ARL15: variants seen among roughly 807,000 people sequenced by gnomAD.
ARL15 encodes the protein ARF like GTPase 15.
Under a neutral mutation model 25.2 loss-of-function variants are expected in ARL15, and 19 were observed. The ratio of observed to expected loss-of-function variants is 0.75; its 90% CI spans 0.53 to 1.10. The LOEUF (loss-of-function observed/expected upper bound fraction) is 1.10, where lower values mean the gene tolerates loss of function less well. ARL15 is among the 50% of genes least tolerant of loss of function. The pLI, the probability that ARL15 is intolerant of heterozygous loss-of-function variation, is 0.00. For synonymous variants in ARL15, 94 were observed against 86.8 expected, an observed-to-expected ratio of 1.08 and a Z score of -0.46; for missense variants, 220 against 246.0, an observed-to-expected ratio of 0.89 and a Z score of 0.71.
intron 4 of ARL15, among the ~76,000 whole-genome samples, chr5:53,908,041 A>G (rs1300908760): frequency 6.6e-6 from 1 of 152,214 alleles, no homozygotes; most frequent in Non-Finnish European, 1.5e-5. Flanking sequence ...TATAGACAAT[A>G]GTCCCCCTTT....
chr5:53,967,205 T>TCTAAC (rs1290495470), intron 4 of ARL15, among the ~76,000 whole-genome samples: 6 of 152,228 alleles, frequency 3.9e-5, no homozygotes, highest in Non-Finnish European at 8.8e-5. Context: ...TTTAAAATTT[T>TCTAAC]TGTTTATTTG....
At chr5:53,909,690 G>C (rs1004680094) in intron 4 of ARL15, among the ~76,000 whole-genome samples, 2 of 152,156 alleles carry the variant, frequency 1.3e-5, no homozygotes, top group Non-Finnish European at 2.9e-5. Flanking sequence ...TGGGCAACAA[G>C]AGTGAAACTC....
At chr5:54,116,969 C>A (rs1457226329) in intron 3 of ARL15, among the ~76,000 whole-genome samples, 1 of 152,186 alleles carries the variant, frequency 6.6e-6, no homozygotes, top group Non-Finnish European at 1.5e-5. Context: ...TGCCCACATA[C>A]ATTAATGGAA....
chr5:54,266,179 A>G (rs1757620031), intron 1 of ARL15, among the ~76,000 whole-genome samples: 1 of 152,218 alleles, frequency 6.6e-6, no homozygotes, highest in Admixed American at 6.5e-5. Context: ...GAGTCATAGC[A>G]GCCATATTTG....
At chr5:53,980,912 T>C (rs1748097805) in intron 4 of ARL15, among the ~76,000 whole-genome samples, 1 of 152,038 alleles carries the variant, frequency 6.6e-6, no homozygotes, top group Admixed American at 6.6e-5. Context: ...GCCCAGGAGT[T>C]CAAGGCTGCA....
chr5:54,029,841 A>C (rs1198711780), intron 4 of ARL15, among the ~76,000 whole-genome samples: 1 of 151,972 alleles, frequency 6.6e-6, no homozygotes, highest in African/African-American at 2.4e-5. Context: ...AAAATACAAA[A>C]ACAAAATTAG....
At chr5:54,222,729 G>C (rs1756411848) in intron 1 of ARL15, among the ~76,000 whole-genome samples, 1 of 152,166 alleles carries the variant, frequency 6.6e-6, no homozygotes, top group Non-Finnish European at 1.5e-5. Context: ...CACCCACCCA[G>C]TTACTGTGGG....
intron 4 of ARL15, among the ~76,000 whole-genome samples, chr5:53,984,314 G>A (rs1748220464): frequency 6.6e-6 from 1 of 152,024 alleles, no homozygotes; most frequent in Admixed American, 6.6e-5. Flanking sequence ...ACTATTCTTG[G>A]TGTGGTCTTA....
At chr5:54,280,231 C>T (rs545175857) in intron 1 of ARL15, among the ~76,000 whole-genome samples, 2 of 152,310 alleles carry the variant, frequency 1.3e-5, no homozygotes, top group South Asian at 4.1e-4. Context: ...TCCCTCTTTC[C>T]ACTTCATAGA....
chr5:54,069,764 C>A (rs934084443), intron 4 of ARL15, among the ~76,000 whole-genome samples: 2 of 151,742 alleles, frequency 1.3e-5, no homozygotes, highest in Non-Finnish European at 2.9e-5. Context: ...TCTCCTGCCT[C>A]CTGGATTCAA....
At chr5:54,218,721 G>A (rs1756288271) in intron 1 of ARL15, among the ~76,000 whole-genome samples, 1 of 152,084 alleles carries the variant, frequency 6.6e-6, no homozygotes, top group East Asian at 1.9e-4. Context: ...TCACCAGCAG[G>A]AAGAGCCATT....
chr5:54,263,355 A>C (rs749567774), intron 1 of ARL15, among the ~76,000 whole-genome samples: 19 of 152,208 alleles, frequency 1.2e-4, no homozygotes, highest in Non-Finnish European at 2.1e-4. Context: ...AAAAGATTAG[A>C]TAAAAGTAAG....
intron 4 of ARL15, among the ~76,000 whole-genome samples, chr5:53,935,743 GT>G (rs1245062163): frequency 6.6e-6 from 1 of 152,032 alleles, no homozygotes; most frequent in East Asian, 1.9e-4. Context: ...TCTGAGGTTT[GT>G]TTTTTTGTTT....
chr5:54,022,602 T>C (rs1272877032), intron 4 of ARL15, among the ~76,000 whole-genome samples: 1 of 152,004 alleles, frequency 6.6e-6, no homozygotes, highest in East Asian at 1.9e-4. Flanking sequence ...ATCACACATT[T>C]TTCTCCCCTC....
chr5:54,133,094 TTC>T (rs1294843615), intron 3 of ARL15, among the ~76,000 whole-genome samples: 1 of 152,226 alleles, frequency 6.6e-6, no homozygotes, highest in African/African-American at 2.4e-5. Flanking sequence ...ATCCTGAATT[TTC>T]TGTTTTTAAT....
chr5:53,969,156 A>C (rs575028325), intron 4 of ARL15, among the ~76,000 whole-genome samples: 2 of 152,262 alleles, frequency 1.3e-5, no homozygotes, highest in South Asian at 4.1e-4. Flanking sequence ...ATCTCAAAAA[A>C]CAAACAAACA....
chr5:54,269,738 C>A (rs1448666848), intron 1 of ARL15, among the ~76,000 whole-genome samples: 1 of 152,166 alleles, frequency 6.6e-6, no homozygotes, highest in African/African-American at 2.4e-5. Flanking sequence ...CTCCACCTCC[C>A]AGGTTCAAGC....
chr5:54,210,508 T>C (rs1756010768), intron 1 of ARL15, among the ~76,000 whole-genome samples: 1 of 152,218 alleles, frequency 6.6e-6, no homozygotes, highest in Admixed American at 6.5e-5. Context: ...AGCTAAAGCA[T>C]TGCAAATGGC....
At chr5:54,084,333 C>A (rs1270817671) in intron 4 of ARL15, among the ~76,000 whole-genome samples, 1 of 149,870 alleles carries the variant, frequency 6.7e-6, no homozygotes, top group Non-Finnish European at 1.5e-5. Flanking sequence ...TAAGACTATT[C>A]TTGGGCTCAT....
Sources: allele counts gnomAD v4.1 joint callset (sites outside exome capture counted in the v4.1 genomes callset), GRCh38; gene constraint gnomAD v4.1.1; transcripts MANE v1.5; gene names NCBI Gene and HGNC (gene_info 2026-07-23, HGNC 2026-07-21).